TARS3: variants seen among roughly 807,000 people sequenced by gnomAD.
TARS3 encodes the protein threonyl-tRNA synthetase 3, also known as threonine--tRNA ligase 2, cytoplasmic.
A neutral mutation model predicts 103.5 loss-of-function variants in TARS3; 94 were observed. The ratio of observed to expected loss-of-function variants is 0.91; its 90% CI spans 0.77 to 1.08. The LOEUF (loss-of-function observed/expected upper bound fraction) is 1.08. Among genes scored for constraint, TARS3 ranks in the 50% least tolerant of loss-of-function variants. The pLI is 0.00. For synonymous variants in TARS3, 416 were observed against 355.4 expected (o/e 1.17, Z -1.92); for missense variants, 952 against 995.2 (o/e 0.96, Z 0.58).
chr15:101,659,337 T>C (rs1897294751), intron 16 of TARS3, among the ~76,000 whole-genome samples: 1 of 152,148 alleles, frequency 6.6e-6, no homozygotes, highest in Non-Finnish European at 1.5e-5. Context: ...AAACAATACA[T>C]GATAAATGGT....
intron 10 of TARS3, among the ~76,000 whole-genome samples, chr15:101,695,029 T>C (rs1248106761): frequency 1.3e-5 from 2 of 152,210 alleles, no homozygotes; most frequent in Non-Finnish European, 2.9e-5. Flanking sequence ...ATAACATGAA[T>C]GTACTTAGTG....
chr15:101,692,275 A>G (rs931249871), intron 10 of TARS3, among the ~76,000 whole-genome samples: 1 of 151,610 alleles, frequency 6.6e-6, no homozygotes, highest in South Asian at 2.1e-4. Flanking sequence ...CACGGCTCCA[A>G]GCTCTCTGTG....
chr15:101,721,393 C>A, intron 2 of TARS3, 71 bp from the exon 3 acceptor site: 1 of 1,195,284 alleles, frequency 8.4e-7, no homozygotes, highest in Admixed American at 1.9e-5. Context: ...AGCTCTGAAT[C>A]AGGCTCACCC....
chr15:101,693,655 C>T (rs1898835397), intron 10 of TARS3, among the ~76,000 whole-genome samples: 1 of 152,160 alleles, frequency 6.6e-6, no homozygotes, highest in Non-Finnish European at 1.5e-5. Context: ...AACCCAAATG[C>T]CCCTCAACTG....
At chr15:101,695,063 T>G (rs983615231) in intron 10 of TARS3, among the ~76,000 whole-genome samples, 2 of 152,306 alleles carry the variant, frequency 1.3e-5, no homozygotes, top group Non-Finnish European at 1.5e-5. Context: ...TACTTAAAAA[T>G]AGTTAAAATG....
intron 12 of TARS3, 21 bp from the exon 13 acceptor site, chr15:101,675,758 AC>A: frequency 6.3e-7 from 1 of 1,598,182 alleles, no homozygotes; most frequent in Non-Finnish European, 8.5e-7. Flanking sequence ...AGCAAATGAA[AC>A]ATTCAAATAG....
At chr15:101,682,824 G>A (rs1304115911) in intron 12 of TARS3, among the ~76,000 whole-genome samples, 2 of 152,130 alleles carry the variant, frequency 1.3e-5, no homozygotes, top group Non-Finnish European at 2.9e-5. Flanking sequence ...TAGACACAGG[G>A]CTATTCAGAT....
chr15:101,706,231 G>A (rs1366531988), intron 6 of TARS3, among the ~76,000 whole-genome samples: 1 of 152,024 alleles, frequency 6.6e-6, no homozygotes. Flanking sequence ...CTAGTGATCC[G>A]CCTGCCTTGG....
intron 15 of TARS3, among the ~76,000 whole-genome samples, chr15:101,667,086 G>A (rs184284534): frequency 5.9e-4 from 90 of 152,290 alleles, no homozygotes; most frequent in Non-Finnish European, 1.1e-3. Flanking sequence ...TGGATGACCA[G>A]GTGCATTGTC....
At chr15:101,713,903 T>C (rs1899998016) in intron 4 of TARS3, among the ~76,000 whole-genome samples, 1 of 152,232 alleles carries the variant, frequency 6.6e-6, no homozygotes, top group Non-Finnish European at 1.5e-5. Context: ...AATAGTGTAC[T>C]GTTTACATAT....
At chr15:101,702,050 A>C (rs1392909307) in intron 9 of TARS3, among the ~76,000 whole-genome samples, 189 bp downstream of exon 9, 1 of 152,260 alleles carries the variant, frequency 6.6e-6, no homozygotes, top group Non-Finnish European at 1.5e-5. Flanking sequence ...TAAAAGATAC[A>C]GGAAGGAAAG....
chr15:101,701,487 T>C (rs1364466868), intron 9 of TARS3, among the ~76,000 whole-genome samples: 2 of 152,220 alleles, frequency 1.3e-5, no homozygotes, highest in Non-Finnish European at 2.9e-5. Context: ...AAAAAGTTCA[T>C]TGCAGGAGGT....
rs1899724774 is a variant in TARS3 at position 101,709,062 on chromosome 15, CTT to C, written c.813-154_813-153del. The C allele has an allele frequency of 2.8e-5, 16 of 570,072 alleles. No individual in the cohort carries two copies. The East Asian group carries it at 4.9e-4, about 18-fold the overall frequency. The allele number at this position is 570,072 out of a possible 1,614,324, so 35.3% of individuals were successfully genotyped here. A position where few individuals can be genotyped will look rare whatever the true frequency, so the allele number is the denominator to read the frequency against. ...GTCAAACGTTCATACAGTCACTACTCTTGTGTCTCAGTGAGGGAGACTGGGCA... is the reference window on the plus strand; with the variant it reads ...GTCAAACGTTCATACAGTCACTACTCGTGTCTCAGTGAGGGAGACTGGGCA... On this transcript the variant is annotated intron_variant, in intron 5 of 18. Transcript: ENST00000335968.
At chr15:101,667,325 G>A (rs768904736) in intron 15 of TARS3, among the ~76,000 whole-genome samples, 4 of 152,190 alleles carry the variant, frequency 2.6e-5, no homozygotes, top group Non-Finnish European at 4.4e-5. Context: ...GTCACCAGCT[G>A]CATTAGCTCC....
At chr15:101,668,998 A>T (rs985237835) in intron 15 of TARS3, among the ~76,000 whole-genome samples, 1 of 152,206 alleles carries the variant, frequency 6.6e-6, no homozygotes, top group Non-Finnish European at 1.5e-5. Context: ...TTAAAAAAAA[A>T]AGTTAGCTGT....
chr15:101,709,255 G>A (rs1899734753), intron 5 of TARS3, among the ~76,000 whole-genome samples: 1 of 152,224 alleles, frequency 6.6e-6, no homozygotes, highest in South Asian at 2.1e-4. Context: ...CAGATGCAGT[G>A]CTCATCACGT....
At chr15:101,678,701 C>T (rs1898132763) in intron 12 of TARS3, among the ~76,000 whole-genome samples, 1 of 152,176 alleles carries the variant, frequency 6.6e-6, no homozygotes, top group Admixed American at 6.5e-5. Flanking sequence ...AATGATCAAA[C>T]ATAATTTAGA....
chr15:101,684,082 A>G lies in TARS3; in HGVS notation c.1643T>C (p.Val548Ala). ...QQDDAHIFCT[V>A]EQIEEEIKGC... Reference sequence around the variant, plus strand: ...CTCTGTGTTATTGTTTACCTGCTCCACTGTGCAAAAAATGTGAGCATCGTC... The same window carrying G: ...CTCTGTGTTATTGTTTACCTGCTCCGCTGTGCAAAAAATGTGAGCATCGTC... The change falls in exon 12 of 19, where the codon GTG becomes GCG. Residue 548 changes from valine (V) to alanine (A), a missense_variant. Around this residue, in one of 2 missense-constraint regions of TARS3, gnomAD observed 540 missense variants for 631.0 expected, o/e 0.86. Transcript: ENST00000335968. The G allele has an allele frequency of 6.2e-7, 1 of 1,612,936 alleles. No individual in the cohort carries two copies. Among genetic ancestry groups the G allele is most frequent in the Non-Finnish European group, 8.5e-7 (1 of 1,179,424 alleles).
At position 101,654,556 on chromosome 15, in the gene TARS3, A is replaced by C; in HGVS notation, c.*26T>G. On this transcript the variant is annotated 3_prime_UTR_variant, in exon 19 of 19. Coordinates refer to ENST00000335968, the MANE Select transcript of TARS3 (RefSeq NM_152334.3). ...TTTTTAAGGGTCAAAACAAAGTTACACAGAAGCAAATATCAGGGAAGGACT... is the reference window on the plus strand; with the variant it reads ...TTTTTAAGGGTCAAAACAAAGTTACCCAGAAGCAAATATCAGGGAAGGACT... 6.2e-7 allele frequency: 1 copy of C among 1,602,180 alleles called. No individual in the cohort carries two copies. Among genetic ancestry groups the C allele is most frequent in the Non-Finnish European group, 8.5e-7 (1 of 1,176,854 alleles).
Sources: allele counts gnomAD v4.1 joint callset (sites outside exome capture counted in the v4.1 genomes callset), GRCh38; gene constraint gnomAD v4.1.1; regional missense constraint gnomAD v4.1.1; transcripts MANE v1.5; gene names NCBI Gene and HGNC (gene_info 2026-07-23, HGNC 2026-07-21).